ZIM2: variants seen among roughly 807,000 people sequenced by gnomAD.
ZIM2 encodes the protein zinc finger protein 656.
In ZIM2, 14 loss-of-function variants were observed where a neutral mutation model predicts 38.6. That is an observed-to-expected ratio of 0.36 (90% CI 0.24 to 0.57). ZIM2 has a LOEUF of 0.57. ZIM2 is among the 20% of genes least tolerant of loss of function. The pLI, the probability that ZIM2 is intolerant of heterozygous loss-of-function variation, is 0.81. For missense variants in ZIM2, 680 were observed against 695.1 expected, an observed-to-expected ratio of 0.98 and a Z score of 0.24; for synonymous variants, 247 against 245.8, an observed-to-expected ratio of 1.00 and a Z score of -0.04.
intron 9 of ZIM2, among the ~76,000 whole-genome samples, chr19:56,793,922 G>C (rs908059117): frequency 2.4e-4 from 37 of 152,266 alleles, no homozygotes; most frequent in Admixed American, 1.2e-3. Flanking sequence ...GCTGCTGTTG[G>C]GGGGAAGGGT....
At chr19:56,820,408 T>G (rs918597991) in intron 7 of ZIM2, among the ~76,000 whole-genome samples, 3 of 152,318 alleles carry the variant, frequency 2.0e-5, no homozygotes, top group African/African-American at 7.2e-5. Context: ...ATGCCAATTC[T>G]TCACACATTG....
At chr19:56,779,229 T>C (rs1297388325) in intron 12 of ZIM2, 148 bp downstream of exon 12, 2 of 662,414 alleles carry the variant, frequency 3.0e-6, no homozygotes, top group Middle Eastern at 4.4e-4. Flanking sequence ...CATGAAGAGA[T>C]GGGCTTCAGA....
Position 56,814,287 on chromosome 19 carries a change from C to T in ZIM2, c.490+3459G>A. 1 of 1,613,810 alleles carries T rather than the reference C, an allele frequency of 6.2e-7. No individual in the cohort carries two copies. Among genetic ancestry groups the T allele is most frequent in the South Asian group, 1.1e-5 (1 of 90,954 alleles). On this transcript the variant is annotated intron_variant, in intron 9 of 12. Transcript: ENST00000629319. The surrounding 1 kb of genome is among the most constrained non-coding windows in gnomAD (Gnocchi z 5.8). The stretch of plus-strand genomic sequence containing the variant: ...CCTCTACGTTTAAGCCCTGAATCCT[C>T]AGAACTACTTGTGGAACATGGACAT...
intron 9 of ZIM2, 125 bp downstream of exon 9, chr19:56,817,621 A>G (rs1189685089): frequency 6.5e-7 from 1 of 1,541,958 alleles, no homozygotes; most frequent in Non-Finnish European, 8.9e-7. Context: ...TAGTCCCCAT[A>G]AGAAGGACAG....
rs1568557627 is a variant in ZIM2 at position 56,774,668 on chromosome 19, G to C, written c.*20C>G. On this transcript the variant is annotated 3_prime_UTR_variant, in exon 13 of 13. Transcript: ENST00000629319. Reference sequence around the variant, plus strand: ...AAGCCAATAATGTTGAGAAAAGTGTGTGCTGTGACTAAAGGTTTCTCAACA... The same window carrying C: ...AAGCCAATAATGTTGAGAAAAGTGTCTGCTGTGACTAAAGGTTTCTCAACA... The C allele has an allele frequency of 6.2e-7, 1 of 1,607,596 alleles. No homozygotes were observed. Among genetic ancestry groups the C allele is most frequent in the Non-Finnish European group, 8.5e-7 (1 of 1,176,070 alleles).
chr19:56,785,016 G>A (rs1000327050), intron 10 of ZIM2, among the ~76,000 whole-genome samples: 2 of 151,968 alleles, frequency 1.3e-5, no homozygotes, highest in African/African-American at 4.8e-5. Context: ...TTTGGCTCAC[G>A]TGGTCCTATT....
intron 7 of ZIM2, among the ~76,000 whole-genome samples, chr19:56,820,395 C>T (rs753322729): frequency 1.4e-4 from 21 of 152,150 alleles, no homozygotes; most frequent in Non-Finnish European, 2.9e-4. Context: ...ACATGGGGCT[C>T]GGATGCCAAT....
intron 9 of ZIM2, chr19:56,815,346 T>C (rs2059877941): frequency 6.2e-7 from 1 of 1,614,116 alleles, no homozygotes; most frequent in African/African-American, 1.3e-5. Context: ...AGTCCTTACA[T>C]TTGTTCCGCG....
chr19:56,832,219 G>A (rs1195695406), intron 2 of ZIM2, among the ~76,000 whole-genome samples: 2 of 152,216 alleles, frequency 1.3e-5, no homozygotes, highest in East Asian at 1.9e-4. Flanking sequence ...GTTTCCTAGC[G>A]TGTTTGTTTT....
At chr19:56,825,466 T>C (rs951834466) in intron 3 of ZIM2, among the ~76,000 whole-genome samples, 2 of 152,246 alleles carry the variant, frequency 1.3e-5, no homozygotes, top group Admixed American at 1.3e-4. Flanking sequence ...ACTGTTTCTT[T>C]ACTTAGTTCA....
Position 56,817,756 on chromosome 19 carries a change from G to A in ZIM2, c.480C>T (p.Ser160=). Residue 160 remains serine (S), a synonymous_variant, in exon 9 of 13, where the codon AGC becomes AGT. Transcript: ENST00000629319. ...GTGCCTCCTGCTTACCTCGACTGGT[G>A]CTTGGGTAGGCACTTCTCTTGGATC... ...SSRSKRSAYP[S]TSRGFLAQDS... 2 of 1,613,932 alleles carry A rather than the reference G, an allele frequency of 1.2e-6. No individual in the cohort carries two copies. The highest frequency in any genetic ancestry group is 1.7e-6 in the Non-Finnish European group (2 of 1,179,814).
At chr19:56,833,453 C>G (rs2061771745) in intron 2 of ZIM2, 1 of 324,842 alleles carries the variant, frequency 3.1e-6, no homozygotes, top group African/African-American at 2.2e-5. Flanking sequence ...TCAGCACGCA[C>G]ATGGAGTAAG....
chr19:56,813,911 T>C (rs377425701), intron 9 of ZIM2: 10 of 1,614,204 alleles, frequency 6.2e-6, no homozygotes, highest in Non-Finnish European at 8.5e-6. Flanking sequence ...AAGGTTTCTG[T>C]GCATTCATGG....
At chr19:56,780,880 ATCT>A (rs1207164375) in intron 11 of ZIM2, among the ~76,000 whole-genome samples, 1 of 152,188 alleles carries the variant, frequency 6.6e-6, no homozygotes, top group East Asian at 1.9e-4. Flanking sequence ...GCCTAAAATA[ATCT>A]TCTATTTAGC....
At chr19:56,781,018 G>A (rs2046306893) in intron 11 of ZIM2, among the ~76,000 whole-genome samples, 1 of 152,214 alleles carries the variant, frequency 6.6e-6, no homozygotes, top group Non-Finnish European at 1.5e-5. Flanking sequence ...CCAGGTCACT[G>A]CATGAGAGCT....
At chr19:56,828,911 G>A (rs1050957169) in intron 2 of ZIM2, among the ~76,000 whole-genome samples, 3 of 152,126 alleles carry the variant, frequency 2.0e-5, no homozygotes, top group African/African-American at 7.2e-5. Flanking sequence ...GCTAGCTGGT[G>A]CAGGCATGAA....
chr19:56,814,192 T>C lies in ZIM2; in HGVS notation c.490+3554A>G. 1 of 1,611,752 alleles carries C rather than the reference T, an allele frequency of 6.2e-7. No homozygotes were observed. Among genetic ancestry groups the C allele is most frequent in the South Asian group, 1.1e-5 (1 of 91,022 alleles). ...TGGCCCTTCAGCCTCTCCGTTTGGCTCAGCAGCCTCCACTTCTGGCTCAGC... is the reference window on the plus strand; with the variant it reads ...TGGCCCTTCAGCCTCTCCGTTTGGCCCAGCAGCCTCCACTTCTGGCTCAGC... On this transcript the variant is annotated intron_variant, in intron 9 of 12. Transcript: ENST00000629319. This position sits in a 1 kb window ranked among gnomAD's most constrained non-coding sequence, Gnocchi z 5.8.
At chr19:56,820,803 C>T (rs2060411773) in intron 7 of ZIM2, among the ~76,000 whole-genome samples, 1 of 152,218 alleles carries the variant, frequency 6.6e-6, no homozygotes, top group Admixed American at 6.5e-5. Context: ...GGGCAGGGCC[C>T]CTCTCTGTGT....
At chr19:56,832,792 G>C (rs980485976) in intron 2 of ZIM2, among the ~76,000 whole-genome samples, 1 of 152,198 alleles carries the variant, frequency 6.6e-6, no homozygotes, top group African/African-American at 2.4e-5. Flanking sequence ...CTTTACACTA[G>C]ATGTCTAAAC....
Sources: allele counts gnomAD v4.1 joint callset (sites outside exome capture counted in the v4.1 genomes callset), GRCh38; gene constraint gnomAD v4.1.1; non-coding constraint Gnocchi (gnomAD v3.1); transcripts MANE v1.5; gene names NCBI Gene and HGNC (gene_info 2026-07-23, HGNC 2026-07-21).